TASP1: variants seen among roughly 807,000 people sequenced by gnomAD.
The protein encoded by TASP1 is threonine aspartase 1.
In TASP1, 16 loss-of-function variants were observed where a neutral mutation model predicts 56.6. The observed-to-expected ratio is 0.28, with a 90% CI of 0.19 to 0.43. The LOEUF is 0.43. Among genes scored for constraint, TASP1 ranks in the 20% least tolerant of loss-of-function variants. The pLI is 1.00. For synonymous variants in TASP1, 179 were observed against 184.2 expected (o/e 0.97, Z 0.23); for missense variants, 393 against 511.6 (o/e 0.77, Z 2.24).
chr20:13,202,940 C>G, the TASP1 span, among the ~76,000 whole-genome samples: 1 of 152,198 alleles, frequency 6.6e-6, no homozygotes, highest in Non-Finnish European at 1.5e-5. Flanking sequence ...ACACAGAAGC[C>G]TGCAAGCAGA....
intron 10 of TASP1, among the ~76,000 whole-genome samples, chr20:13,499,930 A>T (rs1282724148): frequency 6.6e-6 from 1 of 152,106 alleles, no homozygotes; most frequent in Admixed American, 6.6e-5. Context: ...CTATACAATG[A>T]GTACACATGA....
chr20:13,592,519 G>A (rs1005376216), intron 4 of TASP1, among the ~76,000 whole-genome samples: 2 of 151,862 alleles, frequency 1.3e-5, no homozygotes, highest in Non-Finnish European at 2.9e-5. Flanking sequence ...AAAAGTAAAA[G>A]CATATTAGGA....
the TASP1 span, chr20:13,270,885 TAAG>T: frequency 1.3e-6 from 1 of 767,458 alleles, no homozygotes; most frequent in Non-Finnish European, 2.1e-6. Flanking sequence ...GTTATCTCCA[TAAG>T]AACAGTGCTG....
chr20:13,316,888 C>T, the TASP1 span, among the ~76,000 whole-genome samples: 4 of 151,810 alleles, frequency 2.6e-5, no homozygotes, highest in African/African-American at 9.7e-5. Flanking sequence ...GCAAAAACAT[C>T]CCTTCTCACC....
At chr20:13,296,541 T>A in the TASP1 span, among the ~76,000 whole-genome samples, 2 of 152,036 alleles carry the variant, frequency 1.3e-5, no homozygotes, top group Non-Finnish European at 2.9e-5. Context: ...TATAGAGAAG[T>A]AAATAAGGGA....
At chr20:13,533,802 C>A (rs2045314793) in intron 9 of TASP1, among the ~76,000 whole-genome samples, 1 of 152,156 alleles carries the variant, frequency 6.6e-6, no homozygotes, top group Admixed American at 6.6e-5. Context: ...AAACTAGGAT[C>A]AACGATTGTA....
At chr20:13,475,621 A>G (rs1600922403) in intron 11 of TASP1, among the ~76,000 whole-genome samples, 2 of 152,194 alleles carry the variant, frequency 1.3e-5, no homozygotes, top group East Asian at 3.9e-4. Context: ...TAGGCCAGGC[A>G]TGGTGGCTCA....
the TASP1 span, chr20:13,299,391 C>T: frequency 6.2e-7 from 1 of 1,613,212 alleles, no homozygotes; most frequent in Non-Finnish European, 8.5e-7. This position sits in a 1 kb window ranked among gnomAD's most constrained non-coding sequence, Gnocchi z 5.8. Context: ...CAACAACGGA[C>T]AGAAGTGCAC....
At chr20:13,362,302 A>ATGGC in the TASP1 span, among the ~76,000 whole-genome samples, 3 of 151,984 alleles carry the variant, frequency 2.0e-5, no homozygotes, top group African/African-American at 7.3e-5. Context: ...ATATGCCCAG[A>ATGGC]TGGCCTGAAG....
intron 8 of TASP1, among the ~76,000 whole-genome samples, chr20:13,547,993 G>A (rs1411588991): frequency 6.6e-6 from 1 of 152,080 alleles, no homozygotes; most frequent in African/African-American, 2.4e-5. Context: ...CTTAAAGAGA[G>A]AGAAGAAGGA....
In TASP1 at chr20:13,462,723, A is replaced by G. The variant is rs74980491; in HGVS notation, c.985+20504T>C. On this transcript the variant is annotated intron_variant, in intron 11 of 13. Transcript: ENST00000337743. ...TTAAAACTTTGAACTCGATTTCTAT[A>G]TACTAATAATGAACAAGTTGAAAAG... Among the ~76,000 whole-genome samples, 596 of 152,306 alleles carry G rather than the reference A, an allele frequency of 3.9e-3. 2 individuals are homozygous for G. Among genetic ancestry groups the G allele is most frequent in the Non-Finnish European group, 5.6e-3 (378 of 68,016 alleles).
chr20:13,532,975 T>C (rs938356033), intron 9 of TASP1, among the ~76,000 whole-genome samples: 2 of 152,224 alleles, frequency 1.3e-5, no homozygotes, highest in Non-Finnish European at 2.9e-5. Context: ...ATACAGCCCC[T>C]TGCACACTAG....
At chr20:13,634,603 G>A (rs770725385) in intron 1 of TASP1, among the ~76,000 whole-genome samples, 3 of 151,884 alleles carry the variant, frequency 2.0e-5, no homozygotes, top group South Asian at 2.1e-4. Flanking sequence ...GGTGGCGAGC[G>A]CCTGTAATCC....
the TASP1 span, among the ~76,000 whole-genome samples, chr20:13,214,171 G>A: frequency 6.6e-6 from 1 of 152,194 alleles, no homozygotes; most frequent in African/African-American, 2.4e-5. Context: ...ATGCTGTGAT[G>A]ATGTAGGAGG....
chr20:13,385,677 G>A (rs1464435723), downstream of TASP1, among the ~76,000 whole-genome samples: 1 of 152,194 alleles, frequency 6.6e-6, no homozygotes, highest in Non-Finnish European at 1.5e-5. Context: ...AGTAAACACA[G>A]GTAGGAGAGT....
At chr20:13,338,906 C>T in the TASP1 span, among the ~76,000 whole-genome samples, 1 of 152,116 alleles carries the variant, frequency 6.6e-6, no homozygotes. Flanking sequence ...ATCACCAATA[C>T]ACCTACACAC....
the TASP1 span, among the ~76,000 whole-genome samples, chr20:13,295,748 T>G: frequency 1.3e-5 from 2 of 152,192 alleles, no homozygotes; most frequent in African/African-American, 4.8e-5. Context: ...TGACTGGGAA[T>G]CCCAGCAAAA....
the TASP1 span, among the ~76,000 whole-genome samples, chr20:13,354,571 C>A: frequency 6.6e-6 from 1 of 152,170 alleles, no homozygotes; most frequent in East Asian, 1.9e-4. Flanking sequence ...CATTTCCAGA[C>A]ACATTCCTAA....
the TASP1 span, among the ~76,000 whole-genome samples, chr20:13,200,263 A>C: frequency 6.6e-6 from 1 of 152,190 alleles, no homozygotes; most frequent in Non-Finnish European, 1.5e-5. Flanking sequence ...CATCAAATGA[A>C]TGGGTCTCCC....
Sources: gnomAD v4.1 joint callset for allele counts (sites outside exome capture counted in the v4.1 genomes callset) on GRCh38, gnomAD v4.1.1 for gene constraint, Gnocchi (gnomAD v3.1) non-coding constraint, MANE v1.5 for transcripts, NCBI Gene and HGNC (gene_info 2026-07-23, HGNC 2026-07-21) for gene names.